Variants in LY6G5B observed in about 807,000 individuals in gnomAD.
LY6G5B encodes the protein lymphocyte antigen 6 family member G5B, also known as lymphocyte antigen 6 complex locus protein G5b.
Under a neutral mutation model 6.7 loss-of-function variants are expected in LY6G5B, and 6 were observed. That is an observed-to-expected ratio of 0.89 (90% confidence interval 0.49 to 1.76). The LOEUF (loss-of-function observed/expected upper bound fraction) is 1.76. Among genes scored for constraint, LY6G5B ranks in the 40% most tolerant of loss-of-function variants. The pLI, the probability that LY6G5B is intolerant of heterozygous loss-of-function variation, is 0.01. For missense variants in LY6G5B, 240 were observed against 249.5 expected (o/e 0.96, Z 0.26); for synonymous variants, 98 against 99.4 (o/e 0.99, Z 0.09).
At chr6:31,671,337 T>G in intron 2 of LY6G5B, 53 bp downstream of exon 2, 1 of 1,609,402 alleles carries the variant, frequency 6.2e-7, no homozygotes. Flanking sequence ...TGGCTTGGTC[T>G]TCTCTCCTCT....
chr6:31,672,088 C>T lies in LY6G5B; in HGVS notation c.412C>T (p.Gln138Ter), dbSNP rs1802273037. 6.2e-7 allele frequency: 1 copy of T among 1,613,084 alleles called. No homozygotes were observed. Among genetic ancestry groups the T allele is most frequent in the South Asian group, 1.1e-5 (1 of 91,074 alleles). The change falls in exon 3 of 3, where the codon CAG becomes TAG. Residue 138 changes from glutamine to a stop codon, truncating the protein, a stop_gained. Transcript: ENST00000375864. LOFTEE classifies it low-confidence loss of function (END_TRUNC). ...TGACTCCCAGATTCAGTGGTTCTAC[C>T]AGGCCCTGAACCTCTCCCTGCCCCT... is the stretch of plus-strand genomic sequence containing the variant.
At chr6:31,672,182 G>T (rs1802281199) in exon 3 of LY6G5B, 1 of 1,613,132 alleles carries the variant, frequency 6.2e-7, no homozygotes, top group Non-Finnish European at 8.5e-7. Flanking sequence ...CTGAACCTGG[G>T]CTTGTCTTTT....
At chr6:31,670,161 T>C, upstream of LY6G5B, 1 of 512,680 alleles carries the variant, frequency 2.0e-6, no homozygotes. Context: ...CCTCCCCAGA[T>C]TGAAAACCAG....
exon 3 of LY6G5B, chr6:31,672,165 A>G (rs540151007): frequency 8.7e-6 from 14 of 1,612,984 alleles, no homozygotes; most frequent in Middle Eastern, 1.6e-4. Context: ...CCATGGTCAC[A>G]CTGTCCCTGA....
chr6:31,670,950 A>C, exon 1 of LY6G5B: 1 of 1,602,740 alleles, frequency 6.2e-7, no homozygotes, highest in South Asian at 1.1e-5. Flanking sequence ...AGAATTCCAA[A>C]ATGAAGGTCC....
chr6:31,670,979 T>C, exon 1 of LY6G5B: 1 of 1,612,224 alleles, frequency 6.2e-7, no homozygotes, highest in Non-Finnish European at 8.5e-7. Context: ...GTAGGTGTGC[T>C]GGTCATGGTG....
chr6:31,670,739 T>C, exon 1 of LY6G5B: 1 of 561,290 alleles, frequency 1.8e-6, no homozygotes. Flanking sequence ...CCAGACGTTG[T>C]GGGTGAGGAC....
chr6:31,671,714 G>A (rs1263115555), intron 2 of LY6G5B, 150 bp from the exon 3 acceptor site: 1 of 894,432 alleles, frequency 1.1e-6, no homozygotes, highest in East Asian at 2.5e-5. Context: ...GGTTCTAGGG[G>A]GCCAGCAGAG....
chr6:31,672,538 G>T (rs41267070), exon 3 of LY6G5B: 70,153 of 502,774 alleles, frequency 0.14, 6,147 homozygotes, highest in East Asian at 0.23. Flanking sequence ...TCCACCTCCC[G>T]GGTTCCAGCG....
In LY6G5B at chr6:31,672,273, C is replaced by T. The variant is rs746471422; in HGVS notation, c.597C>T (p.His199=). Residue 199 remains histidine (H), a synonymous_variant, in exon 3 of 3, where the codon CAC becomes CAT. Coordinates refer to ENST00000375864, the Ensembl canonical transcript of LY6G5B. Reference sequence around the variant, plus strand: ...CCCAGGCTGGACTCTTGACACCTCACCCTTCCTGAATTCCACAGTGCAAAT... The same window carrying T: ...CCCAGGCTGGACTCTTGACACCTCATCCTTCCTGAATTCCACAGTGCAAAT... 2.5e-6 allele frequency: 4 copies of T among 1,611,808 alleles called. No individual in the cohort carries two copies. In the East Asian group the frequency reaches 6.7e-5, roughly 27 times the overall value.
At chr6:31,672,310 A>C (rs763251870) in exon 3 of LY6G5B, 1 of 1,593,350 alleles carries the variant, frequency 6.3e-7, no homozygotes, top group Non-Finnish European at 8.6e-7. Flanking sequence ...TCTTTCTGTA[A>C]CACCCTCAGC....
At chr6:31,670,917 C>T in exon 1 of LY6G5B, 2 of 1,573,082 alleles carry the variant, frequency 1.3e-6, no homozygotes, top group Non-Finnish European at 1.7e-6. Context: ...CAGGGCATCC[C>T]CTCAGGAACT....
In LY6G5B at chr6:31,671,154, A is replaced by G. The variant is rs761707436; in HGVS notation, c.59-2A>G. 4 of 1,614,012 alleles carry G rather than the reference A, an allele frequency of 2.5e-6. No individual in the cohort carries two copies. The highest frequency in any genetic ancestry group is 2.2e-5 in the South Asian group (2 of 91,066). ...CCTCCATCCCTCCTTCTGCCTCCCCAGTTCCTGTTCCCGACATCCGGACGT... is the reference window on the plus strand; with the variant it reads ...CCTCCATCCCTCCTTCTGCCTCCCCGGTTCCTGTTCCCGACATCCGGACGT... On this transcript the variant is annotated splice_acceptor_variant, in intron 1 of 2. Coordinates refer to ENST00000375864, the Ensembl canonical transcript of LY6G5B. LOFTEE classifies it high-confidence loss of function.
chr6:31,672,302 T>A (rs770250969), exon 3 of LY6G5B: 17 of 1,600,026 alleles, frequency 1.1e-5, no homozygotes, highest in African/African-American at 2.7e-5. Context: ...TGCAAATATC[T>A]TTCTGTAACA....
exon 3 of LY6G5B, chr6:31,672,527 C>T: frequency 1.9e-6 from 1 of 537,104 alleles, no homozygotes; most frequent in East Asian, 3.2e-5. Context: ...TCACTACAAC[C>T]TCCACCTCCC....
Position 31,671,023 on chromosome 6 carries a change from G to C in LY6G5B, c.58+15G>C. The C allele has an allele frequency of 1.2e-6, 2 of 1,611,540 alleles. No homozygotes were observed. The highest frequency in any genetic ancestry group is 1.7e-6 in the Non-Finnish European group (2 of 1,178,560). Reference sequence around the variant, plus strand: ...AGTAGGAAAGGGTAAGTGGGGCCCAGGGGCAGGGAGGGAGGAAGGGGTAAC... The same window carrying C: ...AGTAGGAAAGGGTAAGTGGGGCCCACGGGCAGGGAGGGAGGAAGGGGTAAC... On this transcript the variant is annotated intron_variant, in intron 1 of 2. Coordinates refer to ENST00000375864, the Ensembl canonical transcript of LY6G5B.
chr6:31,671,972 G>A lies in LY6G5B; in HGVS notation c.296G>A (p.Cys99Tyr). 1 of 1,613,112 alleles carries A rather than the reference G, an allele frequency of 6.2e-7. No homozygotes were observed. The highest frequency in any genetic ancestry group is 1.6e-4 in the Middle Eastern group (1 of 6,062). ...GAGTACTGGTATCAGGCCCAGTGCT[G>A]TCAGTACGATTATTGCAACTCCTGG... Residue 99 changes from cysteine to tyrosine, a missense_variant, in exon 3 of 3, where the codon TGT becomes TAT. By Grantham distance (194) the Cys-to-Tyr change is radical. Transcript: ENST00000375864.
exon 3 of LY6G5B, chr6:31,672,342 A>G: frequency 6.6e-7 from 1 of 1,519,340 alleles, no homozygotes; most frequent in Non-Finnish European, 8.9e-7. Flanking sequence ...CCCTCTCTGA[A>G]AACACCCACA....
upstream of LY6G5B, chr6:31,669,991 C>A (rs921184413): frequency 4.5e-6 from 6 of 1,338,718 alleles, no homozygotes; most frequent in Non-Finnish European, 6.2e-6. This position sits in a 1 kb window ranked among gnomAD's most constrained non-coding sequence, Gnocchi z 4.8. Flanking sequence ...CTTTCAGGAA[C>A]CCTGTATGGT....
Sources: allele counts gnomAD v4.1 joint callset, GRCh38; gene constraint gnomAD v4.1.1; non-coding constraint Gnocchi (gnomAD v3.1); transcripts MANE v1.5; gene names NCBI Gene and HGNC (gene_info 2026-07-23, HGNC 2026-07-21).